The following MARK1 variants were observed in gnomAD, a reference collection of about 807,000 sequenced individuals.
MARK1 encodes microtubule affinity regulating kinase 1, also known as serine/threonine-protein kinase MARK1.
A neutral mutation model predicts 96.3 loss-of-function variants in MARK1; 40 were observed. That is an observed-to-expected ratio of 0.42 (90% CI 0.32 to 0.54). The LOEUF (loss-of-function observed/expected upper bound fraction) is 0.54, where lower values mean the gene tolerates loss of function less well. MARK1 is among the 20% of genes least tolerant of loss of function. MARK1 has a pLI of 0.16. For missense variants in MARK1, 719 were observed against 984.6 expected (o/e 0.73, Z 3.61); for synonymous variants, 317 against 341.2 (o/e 0.93, Z 0.78).
At chr1:220,615,316 C>T (rs758435505) in intron 6 of MARK1, among the ~76,000 whole-genome samples, 1 of 152,134 alleles carries the variant, frequency 6.6e-6, no homozygotes, top group Non-Finnish European at 1.5e-5. Flanking sequence ...AATACTTCAC[C>T]TGACTGAATT....
intron 3 of MARK1, among the ~76,000 whole-genome samples, chr1:220,583,794 G>T (rs1312054673): frequency 6.7e-6 from 1 of 148,696 alleles, no homozygotes; most frequent in Non-Finnish European, 1.5e-5. Flanking sequence ...GACTACAGGT[G>T]CATGCACCAT....
intron 3 of MARK1, among the ~76,000 whole-genome samples, chr1:220,582,942 G>T (rs980158540): frequency 6.6e-5 from 10 of 152,164 alleles, no homozygotes; most frequent in Non-Finnish European, 1.3e-4. Flanking sequence ...TGATTTACAT[G>T]TATGTTGATA....
chr1:220,625,991 C>T (rs905379191), intron 9 of MARK1: 18 of 547,850 alleles, frequency 3.3e-5, no homozygotes, highest in East Asian at 2.3e-4. Context: ...GATACATGTT[C>T]GAGCACAGCA....
At position 220,598,398 on chromosome 1, in the gene MARK1, T is replaced by TTATA. The variant is rs5781180; in HGVS notation, c.358+36_358+39dup. On this transcript the variant is annotated intron_variant, in intron 4 of 17. Coordinates refer to ENST00000366917, the MANE Select transcript of MARK1 (RefSeq NM_018650.5). ...AATATAGGTATGAAATATATATATA[T>TTATA]TATATATATATATATATATAATTAG... 0.011 allele frequency: 2,338 copies of TTATA among 213,056 alleles called. 20 individuals are homozygous for TTATA. Among genetic ancestry groups the TTATA allele is most frequent in the African/African-American group, 0.022 (872 of 39,650 alleles). The allele number at this position is 213,056 out of a possible 1,614,324, so 13.2% of individuals were successfully genotyped here. A position where few individuals can be genotyped will look rare whatever the true frequency, so the allele number is the denominator to read the frequency against.
chr1:220,570,625 AATTG>A (rs949602448), intron 1 of MARK1, among the ~76,000 whole-genome samples: 9 of 152,094 alleles, frequency 5.9e-5, no homozygotes, highest in Admixed American at 6.6e-5. Context: ...TCATACACCT[AATTG>A]ATTGAAGTGA....
chr1:220,634,323 G>A (rs546755250), intron 11 of MARK1, among the ~76,000 whole-genome samples: 4 of 152,214 alleles, frequency 2.6e-5, no homozygotes, highest in Non-Finnish European at 5.9e-5. Flanking sequence ...AAATATAAAC[G>A]AATGAGGCTA....
chr1:220,542,497 C>G (rs1661211123), intron 1 of MARK1, among the ~76,000 whole-genome samples: 1 of 152,076 alleles, frequency 6.6e-6, no homozygotes, highest in South Asian at 2.1e-4. Context: ...ACTTGGGGGC[C>G]TAAATTGAGG....
intron 2 of MARK1, among the ~76,000 whole-genome samples, chr1:220,580,060 T>G (rs1157298953): frequency 6.6e-6 from 1 of 152,220 alleles, no homozygotes; most frequent in Non-Finnish European, 1.5e-5. Context: ...AGTAAGAATT[T>G]ATATATTTGC....
At chr1:220,587,325 TTCTTTCTC>T (rs1276805030) in intron 3 of MARK1, among the ~76,000 whole-genome samples, 31 of 76,462 alleles carry the variant, frequency 4.1e-4, no homozygotes, top group African/African-American at 1.4e-3. Flanking sequence ...CTCTCTCTCT[TTCTTTCTC>T]TCTCTCTCTC....
In MARK1 at chr1:220,619,167, T is replaced by C. The variant is rs192469328; in HGVS notation, c.909+412T>C. On this transcript the variant is annotated intron_variant, in intron 9 of 17. Transcript: ENST00000366917. ...GAATATTTCACAGCTATATCTGACATTGATATCTAGCATTTAAAAATGTAG... is the reference window on the plus strand; with the variant it reads ...GAATATTTCACAGCTATATCTGACACTGATATCTAGCATTTAAAAATGTAG... 1.9e-4 allele frequency among the ~76,000 whole-genome samples: 29 copies of C among 152,314 alleles called. No individual in the cohort carries two copies. The East Asian group carries it at 5.6e-3, about 29-fold the overall frequency.
At chr1:220,539,622 G>A (rs79123498) in intron 1 of MARK1, among the ~76,000 whole-genome samples, 1 of 152,048 alleles carries the variant, frequency 6.6e-6, no homozygotes, top group Non-Finnish European at 1.5e-5. Context: ...TGCATCTATT[G>A]AGATGATCAG....
At chr1:220,633,646 C>G (rs145657508) in intron 11 of MARK1, among the ~76,000 whole-genome samples, 14 of 152,260 alleles carry the variant, frequency 9.2e-5, no homozygotes, top group African/African-American at 3.1e-4. Context: ...CATGTACCTA[C>G]AACAGGCTAA....
rs1340126280 is a variant in MARK1 at position 220,664,177 on chromosome 1, A to G, written c.*2011A>G. 1.3e-5 allele frequency: 2 copies of G among 152,248 alleles called. No individual in the cohort carries two copies. The highest frequency in any genetic ancestry group is 3.9e-4 in the East Asian group (2 of 5,188). The allele number at this position is 152,248 out of a possible 1,614,324, so 9.4% of individuals were successfully genotyped here. On this transcript the variant is annotated 3_prime_UTR_variant, in exon 18 of 18. Transcript: ENST00000366917. ...ACGGTAGAAACTGATATTTTTTTAC[A>G]TTTTCTCACTGTGGCCAACTCTTCT...
intron 13 of MARK1, among the ~76,000 whole-genome samples, chr1:220,639,461 A>G (rs80179758): frequency 2.9e-4 from 44 of 152,278 alleles, no homozygotes; most frequent in African/African-American, 1.1e-3. Flanking sequence ...TGGTATTAAC[A>G]GATAGATATA....
chr1:220,627,286 G>A, intron 9 of MARK1: 1 of 501,904 alleles, frequency 2.0e-6, no homozygotes, highest in South Asian at 1.5e-5. Context: ...GGTGAGAGAG[G>A]GTGGCCACAA....
At chr1:220,602,303 T>G (rs1262751371) in intron 5 of MARK1, among the ~76,000 whole-genome samples, 1 of 152,220 alleles carries the variant, frequency 6.6e-6, no homozygotes, top group Non-Finnish European at 1.5e-5. Flanking sequence ...TACTGTGGAA[T>G]GATGTGTTTA....
chr1:220,532,509 T>C (rs976319321), intron 1 of MARK1, among the ~76,000 whole-genome samples: 3 of 152,162 alleles, frequency 2.0e-5, no homozygotes, highest in Non-Finnish European at 4.4e-5. Context: ...CATCAAAATA[T>C]ATTGGTGACA....
At chr1:220,631,886 G>T (rs1667698172) in intron 10 of MARK1, among the ~76,000 whole-genome samples, 1 of 152,186 alleles carries the variant, frequency 6.6e-6, no homozygotes, top group South Asian at 2.1e-4. Flanking sequence ...AGAATTTTGT[G>T]TGTAACAAAG....
At chr1:220,603,681 A>G (rs1572159427) in intron 5 of MARK1, among the ~76,000 whole-genome samples, 1 of 152,172 alleles carries the variant, frequency 6.6e-6, no homozygotes, top group South Asian at 2.1e-4. Flanking sequence ...ACACTTCATC[A>G]TTTTGTTTGA....
Sources: allele counts gnomAD v4.1 joint callset (sites outside exome capture counted in the v4.1 genomes callset), GRCh38; gene constraint gnomAD v4.1.1; transcripts MANE v1.5; gene names NCBI Gene and HGNC (gene_info 2026-07-23, HGNC 2026-07-21).